CHN2: variants seen among roughly 807,000 people sequenced by gnomAD.
The protein encoded by CHN2 is chimerin 2, also known as beta-chimaerin.
In CHN2, 35 loss-of-function variants were observed where a neutral mutation model predicts 56.3. That is an observed-to-expected ratio of 0.62 (90% CI 0.47 to 0.82). The LOEUF (loss-of-function observed/expected upper bound fraction) is 0.82, where lower values mean the gene tolerates loss of function less well. Ranked by LOEUF, CHN2 falls within the 40% of genes least tolerant of loss-of-function variation. The pLI is 0.00. For missense variants in CHN2, 491 were observed against 580.5 expected (o/e 0.85, Z 1.58); for synonymous variants, 210 against 212.8 (o/e 0.99, Z 0.12).
intron 6 of CHN2, among the ~76,000 whole-genome samples, chr7:29,457,850 A>G (rs1784881210): frequency 6.6e-6 from 1 of 152,184 alleles, no homozygotes; most frequent in South Asian, 2.1e-4. Flanking sequence ...TGAATTGTGC[A>G]GCTGTACTGG....
At chr7:29,349,802 G>A (rs1004748478) in intron 1 of CHN2, among the ~76,000 whole-genome samples, 12 of 152,168 alleles carry the variant, frequency 7.9e-5, no homozygotes, top group African/African-American at 2.9e-4. Context: ...CTGCGTTCAA[G>A]GATAATTTTT....
At chr7:29,277,472 TG>T (rs1168951853) in intron 1 of CHN2, among the ~76,000 whole-genome samples, 2 of 152,168 alleles carry the variant, frequency 1.3e-5, no homozygotes, top group Non-Finnish European at 2.9e-5. Flanking sequence ...AGCCCCGGTA[TG>T]TGATCCAAGC....
chr7:29,212,979 C>T, intron 1 of CHN2: 2 of 1,609,534 alleles, frequency 1.2e-6, no homozygotes, highest in South Asian at 2.2e-5. Flanking sequence ...AGACCTGGTG[C>T]ACCCAGTCCT....
At chr7:29,426,385 A>T (rs1199939103) in intron 6 of CHN2, among the ~76,000 whole-genome samples, 1 of 152,182 alleles carries the variant, frequency 6.6e-6, no homozygotes, top group Non-Finnish European at 1.5e-5. Flanking sequence ...AATATTTATA[A>T]GGAAATGTGT....
intron 2 of CHN2, among the ~76,000 whole-genome samples, chr7:29,185,002 T>C (rs1204269568): frequency 1.3e-5 from 2 of 152,202 alleles, no homozygotes; most frequent in African/African-American, 2.4e-5. Flanking sequence ...TAAGTGCATT[T>C]GTCTGTGATA....
chr7:29,379,771 T>G (rs1335821504), intron 3 of CHN2, among the ~76,000 whole-genome samples: 1 of 151,972 alleles, frequency 6.6e-6, no homozygotes, highest in African/African-American at 2.4e-5. Context: ...GGAGGATGAC[T>G]TGGCATGAGA....
At chr7:29,447,445 A>G (rs1784107784) in intron 6 of CHN2, among the ~76,000 whole-genome samples, 1 of 152,224 alleles carries the variant, frequency 6.6e-6, no homozygotes, top group Non-Finnish European at 1.5e-5. Context: ...GAGCTGTGGG[A>G]CAACTTCAGA....
chr7:29,266,566 AG>A (rs1321062392), intron 1 of CHN2, among the ~76,000 whole-genome samples: 2 of 152,186 alleles, frequency 1.3e-5, no homozygotes, highest in African/African-American at 4.8e-5. Context: ...TTGTGTTTCA[AG>A]TGTTAAATGC....
intron 1 of CHN2, among the ~76,000 whole-genome samples, chr7:29,225,411 A>G (rs745966979): frequency 1.6e-4 from 25 of 152,164 alleles, no homozygotes; most frequent in Admixed American, 3.9e-4. Context: ...AAACAATATC[A>G]TATACAGTGA....
At chr7:29,450,122 G>T (rs1481586360) in intron 6 of CHN2, among the ~76,000 whole-genome samples, 1 of 152,144 alleles carries the variant, frequency 6.6e-6, no homozygotes, top group African/African-American at 2.4e-5. Flanking sequence ...TCTTCTGTTT[G>T]CAGTGCACAC....
At chr7:29,149,881 A>G (rs1434529919) in intron 2 of CHN2, among the ~76,000 whole-genome samples, 1 of 152,120 alleles carries the variant, frequency 6.6e-6, no homozygotes, top group Non-Finnish European at 1.5e-5. Context: ...GAGGACACCA[A>G]TGACATTGGA....
intron 1 of CHN2, among the ~76,000 whole-genome samples, chr7:29,324,385 C>G (rs1795632662): frequency 6.6e-6 from 1 of 152,148 alleles, no homozygotes; most frequent in Non-Finnish European, 1.5e-5. Flanking sequence ...TCATTTAAAC[C>G]ATAGCCTAAA....
At chr7:29,377,673 G>A (rs1332320039) in intron 3 of CHN2, among the ~76,000 whole-genome samples, 2 of 152,038 alleles carry the variant, frequency 1.3e-5, no homozygotes, top group Non-Finnish European at 2.9e-5. Flanking sequence ...CCACCTCCTT[G>A]CCTCAGTCTA....
At chr7:29,431,149 C>T (rs1001185) in intron 6 of CHN2, among the ~76,000 whole-genome samples, 7,559 of 152,200 alleles carry the variant, frequency 0.05, 390 homozygotes, top group African/African-American at 0.13. Context: ...CCAATTAAAA[C>T]GCTTACATTT....
intron 3 of CHN2, among the ~76,000 whole-genome samples, chr7:29,379,244 T>C (rs1800307179): frequency 6.6e-6 from 1 of 152,198 alleles, no homozygotes; most frequent in Non-Finnish European, 1.5e-5. Context: ...TTCTTTCTGA[T>C]GGTCACTTTC....
At chr7:29,286,926 C>A (rs1792194251) in intron 1 of CHN2, among the ~76,000 whole-genome samples, 1 of 152,118 alleles carries the variant, frequency 6.6e-6, no homozygotes, top group South Asian at 2.1e-4. Context: ...TCTGTTTGAT[C>A]ATTGAAAAAG....
chr7:29,227,852 A>G (rs1004099383), intron 1 of CHN2, among the ~76,000 whole-genome samples: 4 of 152,116 alleles, frequency 2.6e-5, no homozygotes, highest in African/African-American at 9.7e-5. Flanking sequence ...AACCCAAGTG[A>G]TACACACCAA....
intron 1 of CHN2, among the ~76,000 whole-genome samples, chr7:29,353,814 A>G (rs1798081345): frequency 6.6e-6 from 1 of 152,148 alleles, no homozygotes; most frequent in African/African-American, 2.4e-5. Context: ...TTTGGAAAAA[A>G]AGGATTTTTT....
intron 6 of CHN2, among the ~76,000 whole-genome samples, chr7:29,478,639 A>G (rs1786815317): frequency 6.6e-6 from 1 of 152,188 alleles, no homozygotes; most frequent in South Asian, 2.1e-4. Flanking sequence ...ACTAGGCTGC[A>G]TGTCCTTGGG....
Sources: allele counts gnomAD v4.1 joint callset (sites outside exome capture counted in the v4.1 genomes callset), GRCh38; gene constraint gnomAD v4.1.1; transcripts MANE v1.5; gene names NCBI Gene and HGNC (gene_info 2026-07-23, HGNC 2026-07-21).